Variants in CDR2 observed in about 807,000 individuals in gnomAD.
The protein encoded by CDR2 is cerebellar degeneration related protein 2.
A neutral mutation model predicts 48.4 loss-of-function variants in CDR2; 34 were observed. That is an observed-to-expected ratio of 0.70 (90% CI 0.53 to 0.94). The LOEUF is 0.94. Among genes scored for constraint, CDR2 ranks in the 40% least tolerant of loss-of-function variants. CDR2 has a pLI of 0.00. For synonymous variants in CDR2, 240 were observed against 219.7 expected (o/e 1.09, Z -0.82); for missense variants, 498 against 549.5 (o/e 0.91, Z 0.94).
At chr16:22,363,668 T>G (rs1185009825) in intron 2 of CDR2, among the ~76,000 whole-genome samples, 1 of 152,152 alleles carries the variant, frequency 6.6e-6, no homozygotes, top group Non-Finnish European at 1.5e-5. Flanking sequence ...GACACAAAAG[T>G]CCTGGGTCTA....
intron 1 of CDR2, among the ~76,000 whole-genome samples, chr16:22,366,861 T>C (rs1241303096): frequency 6.6e-6 from 1 of 152,038 alleles, no homozygotes; most frequent in Non-Finnish European, 1.5e-5. Flanking sequence ...GAGATGATGG[T>C]GGCTTGGACC....
intron 2 of CDR2, among the ~76,000 whole-genome samples, chr16:22,356,450 T>G (rs980894407): frequency 3.3e-5 from 5 of 152,030 alleles, no homozygotes; most frequent in African/African-American, 1.2e-4. Context: ...AAACCCCGTC[T>G]CTACTAAAAA....
chr16:22,358,600 G>C (rs2048991734), intron 2 of CDR2, among the ~76,000 whole-genome samples: 3 of 152,196 alleles, frequency 2.0e-5, no homozygotes, highest in African/African-American at 7.2e-5. Flanking sequence ...CATAGAAATG[G>C]AGTGGAAATC....
rs2048928043 is a variant in CDR2 at position 22,349,463 on chromosome 16, G to A, written c.342-20C>T. The stretch of plus-strand genomic sequence containing the variant: ...GTCAGGCTGTGAGGAACAGACAGAA[G>A]CCACTGCTGCTTGTCATATTGAATC... On this transcript the variant is annotated intron_variant, in intron 3 of 4. Coordinates refer to ENST00000268383, the MANE Select transcript of CDR2 (RefSeq NM_001802.2). 6.2e-7 allele frequency: 1 copy of A among 1,613,518 alleles called. No homozygotes were observed. Among genetic ancestry groups the A allele is most frequent in the Non-Finnish European group, 8.5e-7 (1 of 1,179,658 alleles).
chr16:22,362,169 A>G (rs373584246), intron 2 of CDR2, among the ~76,000 whole-genome samples: 16 of 152,210 alleles, frequency 1.1e-4, no homozygotes, highest in African/African-American at 3.6e-4. Flanking sequence ...CCAAAGTGCT[A>G]GGATTACAGG....
chr16:22,354,816 C>T (rs1231956009), intron 2 of CDR2, among the ~76,000 whole-genome samples: 1 of 152,098 alleles, frequency 6.6e-6, no homozygotes, highest in African/African-American at 2.4e-5. Flanking sequence ...ATCACTTGAA[C>T]CCAGGAGGCA....
chr16:22,357,482 TG>T (rs1177337720), intron 2 of CDR2, among the ~76,000 whole-genome samples: 1 of 152,242 alleles, frequency 6.6e-6, no homozygotes, highest in Admixed American at 6.5e-5. Flanking sequence ...GTGCTTGGCA[TG>T]ACTCAGACTG....
Position 22,349,334 on chromosome 16 carries a change from G to C in CDR2, c.451C>G (p.Gln151Glu). The C allele has an allele frequency of 6.2e-7, 1 of 1,614,140 alleles. No homozygotes were observed. Among genetic ancestry groups the C allele is most frequent in the Non-Finnish European group, 8.5e-7 (1 of 1,180,028 alleles). Reference protein sequence around the residue: ...QGRRSPGKCDQEKPAPSFACL... With the variant: ...QGRRSPGKCDEEKPAPSFACL... ...GCAAAGCTGGGTGCCGGTTTCTCCT[G>C]GTCACACTTTCCCGGGCTCCTTCTC... The change falls in exon 4 of 5, where the codon CAG becomes GAG. Residue 151 changes from glutamine to glutamate, a missense_variant. Transcript: ENST00000268383.
In CDR2 at chr16:22,347,423, T is replaced by C. The variant is rs1255190433; in HGVS notation, c.907A>G (p.Arg303Gly). The C allele has an allele frequency of 1.9e-6, 3 of 1,614,122 alleles. No individual in the cohort carries two copies. Among genetic ancestry groups the C allele is most frequent in the African/African-American group, 1.3e-5 (1 of 75,060 alleles). ...CTGCTGCTGCGCTTGAGAGGCTTTCTATGTGATTCCGGCACAGTCAGGAAC... is the reference window on the plus strand; with the variant it reads ...CTGCTGCTGCGCTTGAGAGGCTTTCCATGTGATTCCGGCACAGTCAGGAAC... ...EMFLTVPESH[R>G]KPLKRSSSET... The change falls in exon 5 of 5, where the codon AGA (arginine) becomes GGA (glycine). Residue 303 changes from arginine (R) to glycine (G), a missense_variant. Arg to Gly is a moderately radical substitution (Grantham distance 125). Coordinates refer to ENST00000268383, the MANE Select transcript of CDR2 (RefSeq NM_001802.2).
At chr16:22,354,876 AGAGT>A (rs1353831892) in intron 2 of CDR2, among the ~76,000 whole-genome samples, 1 of 152,206 alleles carries the variant, frequency 6.6e-6, no homozygotes, top group Non-Finnish European at 1.5e-5. Context: ...CCTGGGCGAC[AGAGT>A]GAGACTATGT....
At position 22,347,631 on chromosome 16, in the gene CDR2, C is replaced by G. The variant is rs532307552; in HGVS notation, c.699G>C (p.Leu233=). The change falls in exon 5 of 5, where the codon CTG becomes CTC. Residue 233 remains leucine, a synonymous_variant. Coordinates refer to ENST00000268383, the MANE Select transcript of CDR2 (RefSeq NM_001802.2). ...CACCTGTGGCCCCCAGCTGCTGCTC[C>G]AGTTCACTGTTCTCCTTTAACACGA... The part of the protein sequence containing the change: ...YGLVLKENSE[L]EQQLGATGAY... The G allele has an allele frequency of 3.7e-6, 6 of 1,614,182 alleles. No individual in the cohort carries two copies. In the East Asian group the frequency reaches 1.1e-4, roughly 30 times the overall value.
intron 1 of CDR2, among the ~76,000 whole-genome samples, chr16:22,365,656 T>C (rs2049040303): frequency 6.6e-6 from 1 of 152,196 alleles, no homozygotes; most frequent in South Asian, 2.1e-4. Flanking sequence ...CACAGAACCA[T>C]ATTTTATTTT....
intron 2 of CDR2, among the ~76,000 whole-genome samples, chr16:22,358,841 A>G (rs1261312697): frequency 2.6e-5 from 4 of 152,314 alleles, no homozygotes; most frequent in Admixed American, 2.6e-4. Flanking sequence ...GTGGGATTAG[A>G]TTGTTTTTAA....
At chr16:22,359,962 G>T (rs1184400640) in intron 2 of CDR2, among the ~76,000 whole-genome samples, 3 of 152,230 alleles carry the variant, frequency 2.0e-5, no homozygotes, top group African/African-American at 4.8e-5. Flanking sequence ...ATATGCAGTA[G>T]AATATTGATA....
intron 1 of CDR2, 102 bp from the exon 2 acceptor site, chr16:22,365,116 CA>C (rs2049036893): frequency 1.3e-6 from 1 of 752,182 alleles, no homozygotes; most frequent in Admixed American, 2.2e-5. Flanking sequence ...AGTCACATCC[CA>C]ATGGAAGGTG....
chr16:22,368,245 T>C (rs1359057928), intron 1 of CDR2, among the ~76,000 whole-genome samples: 1 of 152,192 alleles, frequency 6.6e-6, no homozygotes, highest in Non-Finnish European at 1.5e-5. Context: ...CTCTCACTCT[T>C]GTCACCCAGG....
At chr16:22,363,955 T>C (rs970951980) in intron 2 of CDR2, among the ~76,000 whole-genome samples, 1 of 152,178 alleles carries the variant, frequency 6.6e-6, no homozygotes, top group African/African-American at 2.4e-5. Context: ...ATTTTTTTAT[T>C]GAGACAAGGT....
At chr16:22,356,756 A>T (rs1273915039) in intron 2 of CDR2, among the ~76,000 whole-genome samples, 1 of 151,826 alleles carries the variant, frequency 6.6e-6, no homozygotes, top group Non-Finnish European at 1.5e-5. Context: ...TTTGTCTAAA[A>T]AATAAAATAA....
chr16:22,363,500 A>G (rs1307633918), intron 2 of CDR2, among the ~76,000 whole-genome samples: 1 of 152,236 alleles, frequency 6.6e-6, no homozygotes, highest in Admixed American at 6.5e-5. Context: ...CAAAAGTTTA[A>G]AACTGTATGA....
Sources: gnomAD v4.1 joint callset for allele counts (sites outside exome capture counted in the v4.1 genomes callset) on GRCh38, gnomAD v4.1.1 for gene constraint, MANE v1.5 for transcripts, NCBI Gene and HGNC (gene_info 2026-07-23, HGNC 2026-07-21) for gene names.